Variants in STK3 observed in about 807,000 individuals in gnomAD.
STK3 encodes serine/threonine kinase 3, also known as serine/threonine-protein kinase 3.
A neutral mutation model predicts 58.0 loss-of-function variants in STK3; 41 were observed. The ratio of observed to expected loss-of-function variants is 0.71; its 90% confidence interval spans 0.55 to 0.92. STK3 has a LOEUF of 0.92. Among genes scored for constraint, STK3 ranks in the 40% least tolerant of loss-of-function variants. STK3 has a pLI of 0.00. For synonymous variants in STK3, 170 were observed against 191.0 expected (o/e 0.89, Z 0.91); for missense variants, 479 against 602.7 (o/e 0.79, Z 2.15).
At position 98,795,103 on chromosome 8, in the gene STK3, AATATATATAT is replaced by A. The variant is rs1222756810; in HGVS notation, c.27-20294_27-20285del. Among the ~76,000 whole-genome samples the A allele has an allele frequency of 1.2e-3, 80 of 64,706 alleles. 3 individuals are homozygous for A. Among genetic ancestry groups the A allele is most frequent in the Middle Eastern group, 0.016 (1 of 64 alleles). The allele number at this position is 64,706 out of a possible 152,430, so 42.4% of individuals were successfully genotyped here. ...GCAAAAAAAAAAAAAAAAAAAAAAA[AATATATATAT>A]ATATATATATATATATACATACTAG... On this transcript the variant is annotated intron_variant, in intron 1 of 10. Transcript: ENST00000419617.
upstream of STK3, among the ~76,000 whole-genome samples, chr8:98,390,826 C>G (rs562538351): frequency 1.3e-5 from 2 of 152,182 alleles, no homozygotes; most frequent in Non-Finnish European, 2.9e-5. Context: ...GCTAGTGAGT[C>G]CATCCCATGT....
chr8:98,407,878 T>C (rs564530503), intron 3 of STK3, among the ~76,000 whole-genome samples: 2 of 152,200 alleles, frequency 1.3e-5, no homozygotes, highest in African/African-American at 4.8e-5. Context: ...AAATGGAACC[T>C]GCAATCACTT....
intron 2 of STK3, among the ~76,000 whole-genome samples, chr8:98,373,361 T>A (rs1433297588): frequency 6.6e-6 from 1 of 152,098 alleles, no homozygotes; most frequent in Non-Finnish European, 1.5e-5. Context: ...GTGGGCAGAG[T>A]GTGCTTTCTA....
At chr8:98,716,715 CA>C (rs1475997944) in intron 4 of STK3, among the ~76,000 whole-genome samples, 1 of 151,930 alleles carries the variant, frequency 6.6e-6, no homozygotes, top group African/African-American at 2.4e-5. Context: ...GGCCCCAAAA[CA>C]ACACTGAAAA....
intron 9 of STK3, among the ~76,000 whole-genome samples, chr8:98,528,233 A>C (rs1441023704): frequency 6.6e-6 from 1 of 152,072 alleles, no homozygotes; most frequent in Non-Finnish European, 1.5e-5. Context: ...CAAAGTGGTG[A>C]CCTTTCTAAA....
chr8:98,700,649 T>C (rs1825507445), intron 6 of STK3, among the ~76,000 whole-genome samples: 1 of 152,244 alleles, frequency 6.6e-6, no homozygotes, highest in Admixed American at 6.5e-5. Context: ...TCTTCCAAAA[T>C]ACACTATTTA....
At chr8:98,426,221 C>T (rs1818230722) in intron 3 of STK3, among the ~76,000 whole-genome samples, 1 of 152,208 alleles carries the variant, frequency 6.6e-6, no homozygotes, top group Non-Finnish European at 1.5e-5. Context: ...CTACACTGTA[C>T]ACAGCACATG....
At chr8:98,536,829 G>T (rs1809805132) in intron 9 of STK3, among the ~76,000 whole-genome samples, 1 of 152,204 alleles carries the variant, frequency 6.6e-6, no homozygotes, top group East Asian at 1.9e-4. Context: ...GTAGGGAGAA[G>T]CAGAAGGAGC....
Position 98,738,537 on chromosome 8 carries a change from A to G in STK3, c.351+10739T>C, listed in dbSNP as rs187134283. 3.6e-3 allele frequency among the ~76,000 whole-genome samples: 541 copies of G among 152,274 alleles called. 3 individuals carry two copies. Among genetic ancestry groups the G allele is most frequent in the Admixed American group, 5.9e-3 (91 of 15,298 alleles). On this transcript the variant is annotated intron_variant, in intron 4 of 10. Transcript: ENST00000419617. ...CTTATAAGAGAGATCAAGGAAAACA[A>G]AGACAAGGGAATTGCATCCCAAACA...
At position 98,526,521 on chromosome 8, in the gene STK3, T is replaced by A. The variant is rs1436313018; in HGVS notation, c.1317+221A>T. ...TTATTTAAATTTGAGCTATGATTTA[T>A]TTAACTATAAAAAAGTATTTCTCTG... is the stretch of plus-strand genomic sequence containing the variant. On this transcript the variant is annotated intron_variant, in intron 10 of 10. Coordinates refer to ENST00000419617, the MANE Select transcript of STK3 (RefSeq NM_006281.4). The A allele has an allele frequency of 1.9e-5, 6 of 318,098 alleles. No individual in the cohort carries two copies. In the East Asian group the frequency reaches 3.1e-4, roughly 16 times the overall value. The allele number at this position is 318,098 out of a possible 1,614,324, so 19.7% of individuals were successfully genotyped here.
At chr8:98,586,974 T>A (rs775350360) in intron 7 of STK3, among the ~76,000 whole-genome samples, 4,509 of 152,204 alleles carry the variant, frequency 0.03, 87 homozygotes, top group South Asian at 0.06. Context: ...TGCATCTATT[T>A]GATTCTTCTC....
intron 4 of STK3, among the ~76,000 whole-genome samples, chr8:98,738,421 C>T (rs1164047228): frequency 6.6e-6 from 1 of 151,976 alleles, no homozygotes; most frequent in Non-Finnish European, 1.5e-5. Flanking sequence ...TGCAGTGAGC[C>T]AAGATCACGC....
At position 98,455,280 on chromosome 8, in the gene STK3, G is replaced by A. The variant is rs1222764421; in HGVS notation, c.*562C>T. The stretch of plus-strand genomic sequence containing the variant: ...TACTGCCATTATTGCTTTCCTATTT[G>A]AAAAACTATCCTGGAAATCAAGGAA... On this transcript the variant is annotated 3_prime_UTR_variant, in exon 11 of 11. Transcript: ENST00000419617. 1 of 152,172 alleles carries A rather than the reference G, an allele frequency of 6.6e-6. No individual in the cohort carries two copies. The highest frequency in any genetic ancestry group is 1.5e-5 in the Non-Finnish European group (1 of 67,988). The allele number at this position is 152,172 out of a possible 1,614,324, so 9.4% of individuals were successfully genotyped here.
intron 4 of STK3, among the ~76,000 whole-genome samples, chr8:98,711,723 C>T (rs1430385084): frequency 3.4e-4 from 51 of 152,060 alleles, no homozygotes; most frequent in Admixed American, 3.1e-3. Context: ...GGATATCATC[C>T]AGGAGAACTT....
chr8:98,836,377 C>T (rs1408010772), intron 3 of STK3, among the ~76,000 whole-genome samples: 1 of 152,204 alleles, frequency 6.6e-6, no homozygotes, highest in African/African-American at 2.4e-5. Context: ...CTTCCTCAGA[C>T]CTCTTTTGTA....
intron 6 of STK3, among the ~76,000 whole-genome samples, chr8:98,667,186 C>T (rs1229198575): frequency 3.9e-5 from 6 of 152,220 alleles, no homozygotes; most frequent in Non-Finnish European, 5.9e-5. Flanking sequence ...AATTATGTGT[C>T]CTAAACTCTT....
chr8:98,372,672 A>T (rs1023486840), intron 2 of STK3, among the ~76,000 whole-genome samples: 3 of 152,210 alleles, frequency 2.0e-5, no homozygotes, highest in Non-Finnish European at 4.4e-5. Context: ...TTGTAGGCAG[A>T]GGGTCCAGAA....
At chr8:98,750,161 T>C (rs1488218719) in intron 3 of STK3, among the ~76,000 whole-genome samples, 1 of 151,996 alleles carries the variant, frequency 6.6e-6, no homozygotes, top group African/African-American at 2.4e-5. Flanking sequence ...AGAGCTCAAA[T>C]GAGGAAATAA....
At chr8:98,500,115 A>G (rs573994888) in intron 10 of STK3, among the ~76,000 whole-genome samples, 1 of 152,260 alleles carries the variant, frequency 6.6e-6, no homozygotes, top group African/African-American at 2.4e-5. Flanking sequence ...TACAGTCACA[A>G]GTGTCCTTAG....
Sources: gnomAD v4.1 joint callset for allele counts (sites outside exome capture counted in the v4.1 genomes callset) on GRCh38, gnomAD v4.1.1 for gene constraint, MANE v1.5 for transcripts, NCBI Gene and HGNC (gene_info 2026-07-23, HGNC 2026-07-21) for gene names.